The following PCDHGA5 variants were observed in gnomAD, a reference collection of about 807,000 sequenced individuals.
The protein encoded by PCDHGA5 is protocadherin gamma-A5.
In PCDHGA5, 36 loss-of-function variants were observed where a neutral mutation model predicts 56.7. That is an observed-to-expected ratio of 0.64 (90% CI 0.49 to 0.84). The LOEUF (loss-of-function observed/expected upper bound fraction) is 0.84. Among genes scored for constraint, PCDHGA5 ranks in the 40% least tolerant of loss-of-function variants. The probability of loss-of-function intolerance (pLI) is 0.00; values close to 1 mark genes in which losing one functional copy is unlikely to be tolerated. For synonymous variants in PCDHGA5, 563 were observed against 520.2 expected (o/e 1.08, Z -1.12); for missense variants, 1,305 against 1,201.5 (o/e 1.09, Z -1.27).
At chr5:141,389,332 G>A in intron 1 of PCDHGA5, 2 of 1,613,980 alleles carry the variant, frequency 1.2e-6, no homozygotes, top group Non-Finnish European at 8.5e-7. Context: ...GGGCCCAACG[G>A]CCAAGTCTCT....
At chr5:141,382,649 T>C (rs1778342764) in intron 1 of PCDHGA5, 5 of 404,024 alleles carry the variant, frequency 1.2e-5, no homozygotes, top group Admixed American at 8.0e-5. Flanking sequence ...AGTAACTTAG[T>C]AAGGACTCAC....
intron 1 of PCDHGA5, chr5:141,388,306 A>G (rs1315280677): frequency 6.2e-7 from 1 of 1,613,826 alleles, no homozygotes; most frequent in South Asian, 1.1e-5. Flanking sequence ...TTTGAGCTGC[A>G]AATAAGTGAG....
intron 1 of PCDHGA5, chr5:141,421,468 C>G: frequency 1.2e-6 from 2 of 1,614,096 alleles, no homozygotes; most frequent in Non-Finnish European, 1.7e-6. Flanking sequence ...TGTGAATCCG[C>G]GAAGCGGCAG....
intron 1 of PCDHGA5, among the ~76,000 whole-genome samples, chr5:141,420,713 G>GT (rs1303648273): frequency 3.3e-5 from 5 of 152,078 alleles, no homozygotes; most frequent in African/African-American, 1.2e-4. Context: ...CAGAAATGTC[G>GT]TTCCTTTCAG....
chr5:141,388,871 C>T, intron 1 of PCDHGA5: 2 of 1,613,930 alleles, frequency 1.2e-6, no homozygotes, highest in Non-Finnish European at 8.5e-7. Flanking sequence ...TTGCGCAATG[C>T]ACAGTGGAGG....
chr5:141,369,001 A>G (rs974961840), intron 1 of PCDHGA5, among the ~76,000 whole-genome samples: 2 of 152,152 alleles, frequency 1.3e-5, no homozygotes, highest in Non-Finnish European at 2.9e-5. Flanking sequence ...TCGGTGTGGA[A>G]CTCATTGCTT....
chr5:141,394,173 C>T, intron 1 of PCDHGA5: 1 of 1,613,948 alleles, frequency 6.2e-7, no homozygotes, highest in Non-Finnish European at 8.5e-7. Flanking sequence ...TACTTTCCCT[C>T]ATGCCTCCTA....
chr5:141,431,206 G>A lies in PCDHGA5; in HGVS notation c.2422-63601G>A, dbSNP rs17097300. On this transcript the variant is annotated intron_variant, in intron 1 of 3. Coordinates refer to ENST00000518069, the MANE Select transcript of PCDHGA5 (RefSeq NM_018918.3). The surrounding 1 kb of genome is among the most constrained non-coding windows in gnomAD (Gnocchi z 4.8). ...AAATTAGTGAAAATGCAGCCACTGA[G>A]ATGCGGTTCCCTCTACCCCACGCCT... The A allele has an allele frequency of 0.041, 66,767 of 1,614,172 alleles. 3,763 individuals carry two copies. Among genetic ancestry groups the A allele is most frequent in the Admixed American group, 0.27 (16,026 of 60,028 alleles).
At position 141,486,061 on chromosome 5, in the gene PCDHGA5, C is replaced by T. The variant is rs1280895997; in HGVS notation, c.2422-8746C>T. 2 of 1,614,166 alleles carry T rather than the reference C, an allele frequency of 1.2e-6. No individual in the cohort carries two copies. Among genetic ancestry groups the T allele is most frequent in the South Asian group, 1.1e-5 (1 of 91,078 alleles). On this transcript the variant is annotated intron_variant, in intron 1 of 3. Coordinates refer to ENST00000518069, the MANE Select transcript of PCDHGA5 (RefSeq NM_018918.3). The surrounding 1 kb of genome is among the most constrained non-coding windows in gnomAD (Gnocchi z 5.0). ...GTGTAAGAAACCTCTTTAGCCTGCA[C>T]CCCACTACTGGAAAGCTTACTCTTT...
chr5:141,409,857 T>C (rs761331515), intron 1 of PCDHGA5: 2 of 1,612,228 alleles, frequency 1.2e-6, no homozygotes, highest in African/African-American at 2.7e-5. Context: ...CGCGTGTTGG[T>C]GGGAGACCGC....
At chr5:141,406,072 C>CT (rs530474569) in intron 1 of PCDHGA5, among the ~76,000 whole-genome samples, 26,413 of 141,282 alleles carry the variant, frequency 0.19, 2,878 homozygotes, top group African/African-American at 0.31. Context: ...ATTCTTACTC[C>CT]TTTTTTTTTT....
intron 3 of PCDHGA5, among the ~76,000 whole-genome samples, chr5:141,509,089 G>C (rs1366018197): frequency 6.6e-6 from 1 of 152,158 alleles, no homozygotes; most frequent in Non-Finnish European, 1.5e-5. Context: ...ACATGAAATG[G>C]GGGCTGTAGA....
chr5:141,476,979 G>T lies in PCDHGA5; in HGVS notation c.2422-17828G>T. The T allele has an allele frequency of 1.2e-6, 2 of 1,614,238 alleles. No individual in the cohort carries two copies. The highest frequency in any genetic ancestry group is 1.7e-6 in the Non-Finnish European group (2 of 1,180,042). The stretch of plus-strand genomic sequence containing the variant: ...ATTTACTCCTTCGGCAGCCACAACC[G>T]CGCCGGCGTGCGGCAACTATTCGCC... On this transcript the variant is annotated intron_variant, in intron 1 of 3. Coordinates refer to ENST00000518069, the MANE Select transcript of PCDHGA5 (RefSeq NM_018918.3). This position sits in a 1 kb window ranked among gnomAD's most constrained non-coding sequence, Gnocchi z 7.6.
In PCDHGA5 at chr5:141,487,562, G is replaced by A. The variant is rs140619162; in HGVS notation, c.2422-7245G>A. The A allele has an allele frequency of 7.7e-5, 125 of 1,614,060 alleles. 1 individual carries two copies. The highest frequency in any genetic ancestry group is 5.7e-4 in the Admixed American group (34 of 60,006). On this transcript the variant is annotated intron_variant, in intron 1 of 3. Transcript: ENST00000518069. The surrounding 1 kb of genome is among the most constrained non-coding windows in gnomAD (Gnocchi z 5.0). ...GAAGTCACCCAGTGCACCTATGGCA[G>A]GGGAGCCTGTTCGCCCAAGCTGCCC...
At chr5:141,398,565 A>C in intron 1 of PCDHGA5, 1 of 1,614,040 alleles carries the variant, frequency 6.2e-7, no homozygotes, top group Non-Finnish European at 8.5e-7. Context: ...GTGAGTCTGC[A>C]CAGCCTGGCA....
At chr5:141,417,781 G>C in intron 1 of PCDHGA5, 1 of 1,473,574 alleles carries the variant, frequency 6.8e-7, no homozygotes. Flanking sequence ...CCTGTCCTGG[G>C]CCGAATGCTC....
intron 1 of PCDHGA5, chr5:141,478,675 G>A (rs1264846161): frequency 6.4e-7 from 1 of 1,551,574 alleles, no homozygotes; most frequent in South Asian, 1.2e-5. Context: ...ACTTTCAACT[G>A]GCCCTTCCTA....
At chr5:141,404,795 G>C (rs769293241) in intron 1 of PCDHGA5, 4 of 1,614,042 alleles carry the variant, frequency 2.5e-6, no homozygotes, top group Admixed American at 1.7e-5. Flanking sequence ...CAGTGAGCCA[G>C]GGCTCTTCTC....
intron 1 of PCDHGA5, chr5:141,478,540 C>T (rs1221128622): frequency 6.2e-7 from 1 of 1,606,412 alleles, no homozygotes; most frequent in East Asian, 2.2e-5. Context: ...GCGCCCCTCC[C>T]GGACAGGTAA....
Sources: gnomAD v4.1 joint callset for allele counts (sites outside exome capture counted in the v4.1 genomes callset) on GRCh38, gnomAD v4.1.1 for gene constraint, Gnocchi (gnomAD v3.1) non-coding constraint, MANE v1.5 for transcripts, NCBI Gene and HGNC (gene_info 2026-07-23, HGNC 2026-07-21) for gene names.